Variants in PTPRG observed in about 807,000 individuals in gnomAD.
PTPRG encodes receptor-type tyrosine-protein phosphatase gamma.
In PTPRG, 102 loss-of-function variants were observed where a neutral mutation model predicts 165.3. The observed-to-expected ratio is 0.62, with a 90% CI of 0.53 to 0.73. The LOEUF (loss-of-function observed/expected upper bound fraction) is 0.73, where lower values mean the gene tolerates loss of function less well. Among genes scored for constraint, PTPRG ranks in the 30% least tolerant of loss-of-function variants. PTPRG has a pLI of 0.00. For synonymous variants in PTPRG, 675 were observed against 669.5 expected (o/e 1.01, Z -0.13); for missense variants, 1,866 against 1,861.4 (o/e 1.00, Z -0.05).
chr3:61,737,840 G>A (rs1291735744), intron 1 of PTPRG, among the ~76,000 whole-genome samples: 1 of 151,678 alleles, frequency 6.6e-6, no homozygotes, highest in Non-Finnish European at 1.5e-5. Flanking sequence ...TCATTTCTAA[G>A]TTCTGGAATT....
intron 1 of PTPRG, among the ~76,000 whole-genome samples, chr3:61,706,405 A>G (rs1405778308): frequency 6.6e-6 from 1 of 152,142 alleles, no homozygotes; most frequent in African/African-American, 2.4e-5. Flanking sequence ...GTATAAAGCT[A>G]ACAGCCCAAA....
chr3:62,135,758 C>T (rs866586993), intron 6 of PTPRG, among the ~76,000 whole-genome samples: 4 of 152,044 alleles, frequency 2.6e-5, no homozygotes, highest in Non-Finnish European at 5.9e-5. Context: ...GTTTGGGCCA[C>T]GCATAGTGCA....
chr3:61,673,036 G>A (rs544493599), intron 1 of PTPRG, among the ~76,000 whole-genome samples: 2 of 152,178 alleles, frequency 1.3e-5, no homozygotes, highest in South Asian at 2.1e-4. Context: ...GTGCGTGCCC[G>A]TAGTCCTAGC....
chr3:61,885,277 T>C (rs2037996445), intron 2 of PTPRG, among the ~76,000 whole-genome samples: 2 of 152,152 alleles, frequency 1.3e-5, no homozygotes, highest in Admixed American at 1.3e-4. Context: ...TTCTGCTGTT[T>C]GTTTCAAAAA....
chr3:61,848,816 G>C (rs367693067), intron 2 of PTPRG, among the ~76,000 whole-genome samples: 1 of 152,110 alleles, frequency 6.6e-6, no homozygotes, highest in East Asian at 1.9e-4. Context: ...TATGTGTCAG[G>C]CACTCTGCCA....
At position 62,210,534 on chromosome 3, in the gene PTPRG, C is replaced by G. The variant is rs1370527939; in HGVS notation, c.2155+6584C>G. 6.6e-6 allele frequency among the ~76,000 whole-genome samples: 1 copy of G among 152,234 alleles called. No individual in the cohort carries two copies. The highest frequency in any genetic ancestry group is 1.9e-4 in the East Asian group (1 of 5,184). On this transcript the variant is annotated intron_variant, in intron 12 of 29. Transcript: ENST00000474889. The surrounding 1 kb of genome is among the most constrained non-coding windows in gnomAD (Gnocchi z 4.1). ...TGGTAGTTCCTTAAAAAAGTGAAAC[C>G]AGAATTACCATATGATTTAGCAGTT...
chr3:61,775,093 CAG>C (rs1482658823), intron 2 of PTPRG, among the ~76,000 whole-genome samples: 2 of 152,088 alleles, frequency 1.3e-5, no homozygotes, highest in African/African-American at 4.8e-5. Flanking sequence ...GTTGTTGAGA[CAG>C]AGTCTTACTC....
intron 2 of PTPRG, among the ~76,000 whole-genome samples, chr3:61,792,831 C>T (rs1174047875): frequency 1.3e-5 from 2 of 151,804 alleles, no homozygotes; most frequent in African/African-American, 2.4e-5. Context: ...TGGGTTCAAG[C>T]GATTCCCTTG....
chr3:61,958,535 G>A (rs949272845), intron 2 of PTPRG, among the ~76,000 whole-genome samples: 4 of 152,180 alleles, frequency 2.6e-5, no homozygotes, highest in African/African-American at 9.6e-5. Flanking sequence ...CCTCTCCTAT[G>A]AAGCCATCCC....
chr3:61,831,099 A>G (rs576619565), intron 2 of PTPRG, among the ~76,000 whole-genome samples: 2 of 152,216 alleles, frequency 1.3e-5, no homozygotes, highest in Non-Finnish European at 2.9e-5. Flanking sequence ...TAGCTGCAAA[A>G]TATATTCCTT....
intron 1 of PTPRG, among the ~76,000 whole-genome samples, chr3:61,613,963 G>A (rs1701243433): frequency 6.6e-6 from 1 of 152,146 alleles, no homozygotes; most frequent in Non-Finnish European, 1.5e-5. Flanking sequence ...GAATCTCCCT[G>A]AGCAGTGCTC....
intron 2 of PTPRG, among the ~76,000 whole-genome samples, chr3:61,936,328 C>A (rs763205271): frequency 1.3e-5 from 2 of 152,128 alleles, no homozygotes; most frequent in Non-Finnish European, 2.9e-5. Flanking sequence ...AGTAACTTGC[C>A]CATGAATTCT....
intron 1 of PTPRG, among the ~76,000 whole-genome samples, chr3:61,592,627 CTTTT>C (rs1700598637): frequency 7.0e-6 from 1 of 142,040 alleles, no homozygotes; most frequent in South Asian, 2.2e-4. Flanking sequence ...TTTTCTCTCT[CTTTT>C]TCTTTCTTTC....
intron 5 of PTPRG, among the ~76,000 whole-genome samples, chr3:62,094,819 G>A (rs1212260130): frequency 6.6e-6 from 1 of 152,218 alleles, no homozygotes; most frequent in East Asian, 1.9e-4. Context: ...AGCTGCTGCT[G>A]AAACTTTTTA....
In PTPRG at chr3:61,856,000, A is replaced by G. The variant is rs117775831; in HGVS notation, c.190+107018A>G. 4.9e-4 allele frequency among the ~76,000 whole-genome samples: 75 copies of G among 152,190 alleles called. 1 individual carries two copies. In the East Asian group the frequency reaches 0.013, roughly 25 times the overall value. On this transcript the variant is annotated intron_variant, in intron 2 of 29. Coordinates refer to ENST00000474889, the MANE Select transcript of PTPRG (RefSeq NM_002841.4). ...TTTACTTCTTCCTATTTCCAGAAGAACTTTCCCTTCCTCCCATCATGTTTT... is the reference window on the plus strand; with the variant it reads ...TTTACTTCTTCCTATTTCCAGAAGAGCTTTCCCTTCCTCCCATCATGTTTT...
intron 2 of PTPRG, among the ~76,000 whole-genome samples, chr3:61,839,915 A>G (rs1271006173): frequency 6.6e-6 from 1 of 152,160 alleles, no homozygotes; most frequent in Non-Finnish European, 1.5e-5. Context: ...TGTAATCCTA[A>G]TGCATCTTAG....
At chr3:61,902,051 G>A (rs2038512187) in intron 2 of PTPRG, among the ~76,000 whole-genome samples, 1 of 152,168 alleles carries the variant, frequency 6.6e-6, no homozygotes, top group African/African-American at 2.4e-5. Context: ...CTACCAGCTT[G>A]GTGTGGAGAA....
At chr3:62,270,101 G>C (rs1178611451) in intron 20 of PTPRG, among the ~76,000 whole-genome samples, 1 of 152,048 alleles carries the variant, frequency 6.6e-6, no homozygotes, top group East Asian at 1.9e-4. Context: ...AGGAAATACT[G>C]TATTAAGAAC....
intron 4 of PTPRG, among the ~76,000 whole-genome samples, chr3:62,062,642 T>C (rs373830349): frequency 2.0e-5 from 3 of 151,720 alleles, no homozygotes; most frequent in African/African-American, 7.3e-5. Context: ...AGTAAGAAGA[T>C]AATGTTGATC....
Sources: gnomAD v4.1 joint callset for allele counts (sites outside exome capture counted in the v4.1 genomes callset) on GRCh38, gnomAD v4.1.1 for gene constraint, Gnocchi (gnomAD v3.1) non-coding constraint, MANE v1.5 for transcripts, NCBI Gene and HGNC (gene_info 2026-07-23, HGNC 2026-07-21) for gene names.